The following TRAPPC12 variants were observed in gnomAD, a reference collection of about 807,000 sequenced individuals.
TRAPPC12 encodes the protein TPR repeat protein 15.
In TRAPPC12, 61 loss-of-function variants were observed where a neutral mutation model predicts 69.2. The ratio of observed to expected loss-of-function variants is 0.88; its 90% confidence interval spans 0.72 to 1.09. The LOEUF (loss-of-function observed/expected upper bound fraction) is 1.09. TRAPPC12 is among the 50% of genes least tolerant of loss of function. TRAPPC12 has a pLI of 0.00. For synonymous variants in TRAPPC12, 469 were observed against 438.9 expected, an observed-to-expected ratio of 1.07 and a Z score of -0.86; for missense variants, 1,101 against 1,016.4, an observed-to-expected ratio of 1.08 and a Z score of -1.13.
At chr2:3,471,837 AG>A (rs1445745171) in intron 9 of TRAPPC12, among the ~76,000 whole-genome samples, 2 of 144,582 alleles carry the variant, frequency 1.4e-5, no homozygotes, top group African/African-American at 5.8e-5. Context: ...CTTGGGTCTG[AG>A]AGGATCCTCA....
At chr2:3,432,279 A>G (rs531290792) in intron 5 of TRAPPC12, among the ~76,000 whole-genome samples, 1 of 152,370 alleles carries the variant, frequency 6.6e-6, no homozygotes, top group South Asian at 2.1e-4. Flanking sequence ...ATCAGGTCAA[A>G]TTAAAGTGGA....
chr2:3,462,803 C>T (rs866032043), intron 8 of TRAPPC12: 9 of 427,966 alleles, frequency 2.1e-5, no homozygotes, highest in Non-Finnish European at 4.4e-5. Flanking sequence ...GTGGCTTGGG[C>T]CCCCCCTCCC....
At chr2:3,389,174 T>C (rs1438821663) in intron 2 of TRAPPC12, among the ~76,000 whole-genome samples, 3 of 152,172 alleles carry the variant, frequency 2.0e-5, no homozygotes, top group Non-Finnish European at 4.4e-5. Context: ...TGAAAGACAA[T>C]TGATGCAGGG....
chr2:3,435,394 G>C (rs1572154942), intron 5 of TRAPPC12, among the ~76,000 whole-genome samples: 1 of 152,162 alleles, frequency 6.6e-6, no homozygotes, highest in Non-Finnish European at 1.5e-5. Flanking sequence ...TTTTTAAAAT[G>C]TTAAAATTTA....
In TRAPPC12 at chr2:3,388,607, C is replaced by G; in HGVS notation, c.984C>G (p.Arg328=). 6.2e-7 allele frequency: 1 copy of G among 1,604,808 alleles called. No individual in the cohort carries two copies. Among genetic ancestry groups the G allele is most frequent in the Non-Finnish European group, 8.5e-7 (1 of 1,175,036 alleles). ...GVLRAVATQQ[R]GAVFVDKENL... is the part of the protein sequence containing the mutation. The stretch of plus-strand genomic sequence containing the variant: ...TGCGGGCCGTGGCCACCCAGCAGCG[C>G]GGCGCCGTGTTCGTGGACAAGGAGA... The change falls in exon 2 of 12, where the codon CGC becomes CGG. Residue 328 remains arginine (R), a synonymous_variant. Transcript: ENST00000324266.
chr2:3,411,603 C>T (rs1225001029), intron 3 of TRAPPC12, among the ~76,000 whole-genome samples: 1 of 152,146 alleles, frequency 6.6e-6, no homozygotes, highest in Non-Finnish European at 1.5e-5. Flanking sequence ...TATGCTTAGG[C>T]ACAAAATTCA....
At chr2:3,449,866 G>A (rs1664757448) in intron 6 of TRAPPC12, among the ~76,000 whole-genome samples, 1 of 152,154 alleles carries the variant, frequency 6.6e-6, no homozygotes, top group Non-Finnish European at 1.5e-5. Context: ...AGATGGGAAT[G>A]ACTGGCAGGT....
chr2:3,461,453 G>A (rs1377626646), intron 8 of TRAPPC12, among the ~76,000 whole-genome samples: 4 of 152,208 alleles, frequency 2.6e-5, no homozygotes, highest in Admixed American at 2.0e-4. Context: ...GTTCATCCTC[G>A]GTAGCAAGCG....
At chr2:3,383,402 A>G (rs963640691) in intron 1 of TRAPPC12, among the ~76,000 whole-genome samples, 1 of 119,264 alleles carries the variant, frequency 8.4e-6, no homozygotes, top group Non-Finnish European at 1.8e-5. Context: ...TTGATCCCCC[A>G]CCCCCGCCCC....
At chr2:3,405,076 C>T (rs1661654157) in intron 3 of TRAPPC12, among the ~76,000 whole-genome samples, 1 of 149,588 alleles carries the variant, frequency 6.7e-6, no homozygotes, top group Non-Finnish European at 1.5e-5. Context: ...CTTGGGGTGA[C>T]TGGGCATGGC....
Position 3,461,220 on chromosome 2 carries a change from C to T in TRAPPC12, c.1677+884C>T, listed in dbSNP as rs546460338. On this transcript the variant is annotated intron_variant, in intron 8 of 11. Coordinates refer to ENST00000324266, the MANE Select transcript of TRAPPC12 (RefSeq NM_016030.6). The stretch of plus-strand genomic sequence containing the variant: ...TGAAGTGGCAGCCCTGCTTTATGCA[C>T]GGACCCTGCAGCATCCCCAGAGGTG... Among the ~76,000 whole-genome samples, 34 of 152,334 alleles carry T rather than the reference C, an allele frequency of 2.2e-4. No individual in the cohort carries two copies. In the Middle Eastern group the frequency reaches 0.014, roughly 61 times the overall value.
At chr2:3,391,209 C>T (rs908200414) in intron 2 of TRAPPC12, among the ~76,000 whole-genome samples, 1 of 152,186 alleles carries the variant, frequency 6.6e-6, no homozygotes, top group African/African-American at 2.4e-5. Context: ...CAGTTACTGG[C>T]CTCAGATCCT....
intron 2 of TRAPPC12, among the ~76,000 whole-genome samples, chr2:3,398,351 G>A (rs1661239473): frequency 6.6e-6 from 1 of 152,172 alleles, no homozygotes; most frequent in Non-Finnish European, 1.5e-5. Context: ...GGTTCCAGTT[G>A]CTCCACATCC....
At chr2:3,475,502 T>TTTTTTTTTTTTTTTTTTTTTGAGA (rs1666254656) in intron 9 of TRAPPC12, among the ~76,000 whole-genome samples, 1 of 151,194 alleles carries the variant, frequency 6.6e-6, no homozygotes, top group African/African-American at 2.4e-5. Flanking sequence ...TTTAATTTTT[T>TTTTTTTTTTTTTTTTTTTTTGAGA]CAGTTGCTCC....
At chr2:3,446,549 C>T (rs1409237832) in intron 6 of TRAPPC12, among the ~76,000 whole-genome samples, 1 of 152,254 alleles carries the variant, frequency 6.6e-6, no homozygotes, top group African/African-American at 2.4e-5. Flanking sequence ...CCGTCGCCAA[C>T]TTCCTCGCTC....
intron 8 of TRAPPC12, among the ~76,000 whole-genome samples, chr2:3,465,017 C>T (rs1386088507): frequency 1.3e-5 from 2 of 152,240 alleles, no homozygotes; most frequent in Admixed American, 6.5e-5. Flanking sequence ...GTCTCTAAAA[C>T]GGGAAGGTCT....
intron 4 of TRAPPC12, among the ~76,000 whole-genome samples, chr2:3,423,728 G>A (rs990746990): frequency 6.6e-6 from 1 of 152,092 alleles, no homozygotes; most frequent in African/African-American, 2.4e-5. Flanking sequence ...TCCTTTATCC[G>A]TTCATCCTTC....
chr2:3,397,604 G>A (rs1462269541), intron 2 of TRAPPC12, among the ~76,000 whole-genome samples: 2 of 152,136 alleles, frequency 1.3e-5, no homozygotes, highest in African/African-American at 4.8e-5. Flanking sequence ...TAGATCTCTG[G>A]ATATAAGAAT....
intron 6 of TRAPPC12, among the ~76,000 whole-genome samples, chr2:3,445,683 A>T (rs1005976461): frequency 2.6e-5 from 4 of 152,254 alleles, no homozygotes; most frequent in African/African-American, 9.6e-5. Context: ...TTAGGATCAC[A>T]TGAGTTGAAC....
Sources: gnomAD v4.1 joint callset for allele counts (sites outside exome capture counted in the v4.1 genomes callset) on GRCh38, gnomAD v4.1.1 for gene constraint, MANE v1.5 for transcripts, NCBI Gene and HGNC (gene_info 2026-07-23, HGNC 2026-07-21) for gene names.